Variants in CPQ observed in about 807,000 individuals in gnomAD.
CPQ encodes Ser-Met dipeptidase.
In CPQ, 37 loss-of-function variants were observed where a neutral mutation model predicts 45.7. The observed-to-expected ratio is 0.81, with a 90% CI of 0.62 to 1.07. The LOEUF is 1.07. Among genes scored for constraint, CPQ ranks in the 50% least tolerant of loss-of-function variants. CPQ has a pLI of 0.00. For missense variants in CPQ, 537 were observed against 572.9 expected, an observed-to-expected ratio of 0.94 and a Z score of 0.64; for synonymous variants, 186 against 205.8, an observed-to-expected ratio of 0.90 and a Z score of 0.82.
At chr8:97,033,161 G>A (rs931270490) in intron 6 of CPQ, among the ~76,000 whole-genome samples, 3 of 152,028 alleles carry the variant, frequency 2.0e-5, no homozygotes, top group African/African-American at 2.4e-5. Context: ...CTTTTATGGC[G>A]GGGGTGGGGA....
chr8:96,708,242 A>G (rs973275987), intron 1 of CPQ, among the ~76,000 whole-genome samples: 1 of 152,044 alleles, frequency 6.6e-6, no homozygotes, highest in Non-Finnish European at 1.5e-5. Flanking sequence ...TGATAATCCA[A>G]GATAGTCTCC....
chr8:96,930,306 T>A (rs1420507535), intron 4 of CPQ, among the ~76,000 whole-genome samples: 2 of 152,184 alleles, frequency 1.3e-5, no homozygotes, highest in African/African-American at 4.8e-5. Context: ...TTGAATTTCC[T>A]TTTTTCCAGG....
rs539643832 is a variant in CPQ, at chr8:96,873,503, T to TA, written c.642-6287dup. Among the ~76,000 whole-genome samples, 304 of 151,634 alleles carry TA rather than the reference T, an allele frequency of 2.0e-3. 2 individuals carry two copies. The highest frequency in any genetic ancestry group is 6.8e-3 in the African/African-American group (282 of 41,456). ...TAAATTTACTCTTAAGGTGCTAAAT[T>TA]AAAAAAAATTAATAAAGTCAATTGA... is the stretch of plus-strand genomic sequence containing the variant. On this transcript the variant is annotated intron_variant, in intron 3 of 7. Coordinates refer to ENST00000220763, the MANE Select transcript of CPQ (RefSeq NM_016134.4).
At chr8:96,965,515 G>A (rs896386263) in intron 4 of CPQ, among the ~76,000 whole-genome samples, 25 of 151,644 alleles carry the variant, frequency 1.6e-4, no homozygotes, top group African/African-American at 5.1e-4. Flanking sequence ...GACTACAGGC[G>A]CCTGCCACCA....
intron 1 of CPQ, among the ~76,000 whole-genome samples, chr8:96,688,078 C>T (rs1467701639): frequency 6.6e-6 from 1 of 151,842 alleles, no homozygotes; most frequent in African/African-American, 2.4e-5. Flanking sequence ...TAATTTAAGA[C>T]TTCTGTTTTC....
At chr8:96,687,663 A>G (rs1442333775) in intron 1 of CPQ, among the ~76,000 whole-genome samples, 1 of 151,856 alleles carries the variant, frequency 6.6e-6, no homozygotes, top group African/African-American at 2.4e-5. Flanking sequence ...TATCACCTAG[A>G]TAATTGTATA....
chr8:97,092,926 AG>A (rs1289540718), intron 7 of CPQ: 5 of 152,192 alleles, frequency 3.3e-5, no homozygotes, highest in Non-Finnish European at 7.4e-5. Context: ...TATCTGACAA[AG>A]GTCTAATATC....
intron 1 of CPQ, among the ~76,000 whole-genome samples, chr8:96,702,424 C>A (rs770941247): frequency 6.6e-6 from 1 of 152,088 alleles, no homozygotes; most frequent in Non-Finnish European, 1.5e-5. Flanking sequence ...GAAAGGTGAA[C>A]GAAAGCTACA....
At chr8:96,907,768 A>T (rs187257256) in intron 4 of CPQ, among the ~76,000 whole-genome samples, 3 of 151,974 alleles carry the variant, frequency 2.0e-5, no homozygotes, top group Admixed American at 2.0e-4. Context: ...TCTCAATTTT[A>T]GGGTTCTCCT....
intron 7 of CPQ, among the ~76,000 whole-genome samples, chr8:97,108,266 C>A (rs549128644): frequency 1.3e-5 from 2 of 152,288 alleles, no homozygotes; most frequent in African/African-American, 4.8e-5. Flanking sequence ...GAGAGACAAT[C>A]ATTTGTCAAG....
intron 6 of CPQ, among the ~76,000 whole-genome samples, chr8:97,043,370 C>T (rs566214552): frequency 6.6e-6 from 1 of 151,866 alleles, no homozygotes; most frequent in South Asian, 2.1e-4. Context: ...TATTTTGAGC[C>T]TATGTGTGTC....
intron 1 of CPQ, among the ~76,000 whole-genome samples, chr8:96,771,309 A>G (rs1810541378): frequency 6.6e-6 from 1 of 151,886 alleles, no homozygotes; most frequent in African/African-American, 2.4e-5. Flanking sequence ...ACTCTAGTAG[A>G]ATGTCAAAAC....
intron 3 of CPQ, among the ~76,000 whole-genome samples, chr8:96,850,713 G>A (rs1021784533): frequency 2.0e-5 from 3 of 151,756 alleles, no homozygotes; most frequent in Non-Finnish European, 4.4e-5. Flanking sequence ...GGGTTCAAGC[G>A]ATTCTCCTGC....
rs113448463 is a variant in CPQ at position 96,720,462 on chromosome 8, TTAGA to T, written c.-34-64398_-34-64395del. ...GAATTATTGGCTGATCACATTGAAC[TTAGA>T]TAGGCATGGTTTTATGCTTTGCTGG... On this transcript the variant is annotated intron_variant, in intron 1 of 7. Transcript: ENST00000220763. Among the ~76,000 whole-genome samples the T allele has an allele frequency of 6.6e-5, 10 of 152,324 alleles. 1 individual carries two copies. The highest frequency in any genetic ancestry group is 3.4e-3 in the Middle Eastern group (1 of 294).
chr8:96,858,160 G>A (rs1811874688), intron 3 of CPQ, among the ~76,000 whole-genome samples: 1 of 152,162 alleles, frequency 6.6e-6, no homozygotes, highest in Non-Finnish European at 1.5e-5. Flanking sequence ...AAGGGAGAAT[G>A]TACTAAGGGA....
chr8:96,914,138 T>C (rs970575653), intron 4 of CPQ, among the ~76,000 whole-genome samples: 1 of 152,222 alleles, frequency 6.6e-6, no homozygotes, highest in South Asian at 2.1e-4. Flanking sequence ...GTACTTTCAA[T>C]ATGTCATCAG....
At chr8:97,015,125 T>A (rs2030897645) in intron 5 of CPQ, among the ~76,000 whole-genome samples, 1 of 152,196 alleles carries the variant, frequency 6.6e-6, no homozygotes, top group Admixed American at 6.5e-5. Flanking sequence ...TTTTGGTACT[T>A]GTACTTGATT....
chr8:96,711,868 A>G (rs936726046), intron 1 of CPQ, among the ~76,000 whole-genome samples: 2 of 152,246 alleles, frequency 1.3e-5, no homozygotes, highest in Admixed American at 6.5e-5. Context: ...ACAGTCCCCC[A>G]AAGTCTTAAC....
chr8:97,080,263 G>A (rs920973570), intron 7 of CPQ, among the ~76,000 whole-genome samples: 1 of 152,202 alleles, frequency 6.6e-6, no homozygotes, highest in Non-Finnish European at 1.5e-5. Context: ...AGTCTCAGAT[G>A]TGAGCAAATA....
Sources: allele counts gnomAD v4.1 joint callset (sites outside exome capture counted in the v4.1 genomes callset), GRCh38; gene constraint gnomAD v4.1.1; transcripts MANE v1.5; gene names NCBI Gene and HGNC (gene_info 2026-07-23, HGNC 2026-07-21).